The following ADARB2 variants were observed in gnomAD, a reference collection of about 807,000 sequenced individuals.
The protein encoded by ADARB2 is inactive double-stranded RNA-specific editase B2.
Under a neutral mutation model 62.2 loss-of-function variants are expected in ADARB2, and 25 were observed. That is an observed-to-expected ratio of 0.40 (90% CI 0.29 to 0.56). The LOEUF is 0.56. Among genes scored for constraint, ADARB2 ranks in the 20% least tolerant of loss-of-function variants. The pLI is 0.43. For missense variants in ADARB2, 1,071 were observed against 1,077.4 expected (o/e 0.99, Z 0.08); for synonymous variants, 572 against 500.8 (o/e 1.14, Z -1.90).
intron 1 of ADARB2, among the ~76,000 whole-genome samples, chr10:1,632,746 C>A (rs1833858894): frequency 6.6e-6 from 1 of 152,242 alleles, no homozygotes; most frequent in African/African-American, 2.4e-5. Flanking sequence ...CACAGCCCAG[C>A]AGTCACGAAG....
At chr10:1,294,957 A>G (rs1416297244) in intron 3 of ADARB2, among the ~76,000 whole-genome samples, 5 of 152,212 alleles carry the variant, frequency 3.3e-5, no homozygotes, top group Admixed American at 3.3e-4. Flanking sequence ...TCTGTTTGTC[A>G]AAGCAGATTT....
In ADARB2 at chr10:1,737,081, T is replaced by C. The variant is rs779764730; in HGVS notation, c.70A>G (p.Arg24Gly). 3 of 1,611,988 alleles carry C rather than the reference T, an allele frequency of 1.9e-6. No homozygotes were observed. Among genetic ancestry groups the C allele is most frequent in the Non-Finnish European group, 2.5e-6 (3 of 1,179,892 alleles). ...CGCTTGGACCTCCGCCTCCTCCTCC[T>C]CTTGGACTTGCATTTGAGTTGACTG... ...LSSQLKCKSK[R>G]RRRRRSKRKD... Residue 24 changes from arginine to glycine, a missense_variant, in exon 1 of 10, where the codon AGG becomes GGG. By Grantham distance (125) the Arg-to-Gly change is moderately radical. Coordinates refer to ENST00000381312, the MANE Select transcript of ADARB2 (RefSeq NM_018702.4).
intron 1 of ADARB2, among the ~76,000 whole-genome samples, chr10:1,679,881 A>G (rs1476271788): frequency 2.0e-5 from 3 of 152,118 alleles, no homozygotes; most frequent in Non-Finnish European, 2.9e-5. Flanking sequence ...CACTCTTAAC[A>G]TTGCTGACAT....
Position 1,630,045 on chromosome 10 carries a change from A to G in ADARB2, c.100+107006T>C, listed in dbSNP as rs929851225. Among the ~76,000 whole-genome samples the G allele has an allele frequency of 2.0e-5, 3 of 152,270 alleles. No homozygotes were observed. The South Asian group carries it at 6.2e-4, about 32-fold the overall frequency. On this transcript the variant is annotated intron_variant, in intron 1 of 9. Coordinates refer to ENST00000381312, the MANE Select transcript of ADARB2 (RefSeq NM_018702.4). ...CCCACTTGGCACTTCATGGCCACCT[A>G]GACAGGAGCCTCTAGCCTTGCTTGC...
At chr10:1,386,823 A>G (rs1303254106) in intron 1 of ADARB2, among the ~76,000 whole-genome samples, 2 of 151,974 alleles carry the variant, frequency 1.3e-5, no homozygotes, top group East Asian at 1.9e-4. Context: ...TTACATTTAT[A>G]GAACACTGTA....
chr10:1,319,429 T>G (rs1831775576), intron 3 of ADARB2, among the ~76,000 whole-genome samples: 1 of 151,130 alleles, frequency 6.6e-6, no homozygotes, highest in Non-Finnish European at 1.5e-5. Context: ...AGCTGACAGA[T>G]AGATCACCTG....
chr10:1,593,005 C>T (rs78108338), intron 1 of ADARB2, among the ~76,000 whole-genome samples: 33 of 57,508 alleles, frequency 5.7e-4, no homozygotes, highest in East Asian at 2.0e-3. Context: ...CCTCTGTCAC[C>T]CAGCTTCCCT....
At chr10:1,314,116 TAGG>T (rs1831716291) in intron 3 of ADARB2, among the ~76,000 whole-genome samples, 1 of 152,148 alleles carries the variant, frequency 6.6e-6, no homozygotes, top group Non-Finnish European at 1.5e-5. Flanking sequence ...CCTACTCACT[TAGG>T]AATCTCACAT....
intron 1 of ADARB2, among the ~76,000 whole-genome samples, chr10:1,492,687 C>G (rs1831637707): frequency 6.6e-6 from 1 of 152,042 alleles, no homozygotes; most frequent in South Asian, 2.1e-4. Context: ...AGGAGGGAGG[C>G]AGGGATGCAA....
chr10:1,620,639 T>G (rs1833694014), intron 1 of ADARB2, among the ~76,000 whole-genome samples: 1 of 152,238 alleles, frequency 6.6e-6, no homozygotes, highest in Admixed American at 6.5e-5. Context: ...TCTAATATTA[T>G]ATTGATAGCA....
chr10:1,528,107 G>C (rs908038019), intron 1 of ADARB2, among the ~76,000 whole-genome samples: 6 of 152,210 alleles, frequency 3.9e-5, no homozygotes, highest in African/African-American at 1.4e-4. Context: ...TGCATGTGCA[G>C]CCTCTCGACA....
chr10:1,529,978 T>C (rs11250589), intron 1 of ADARB2, among the ~76,000 whole-genome samples: 1 of 33,126 alleles, frequency 3.0e-5, no homozygotes, highest in Non-Finnish European at 1.0e-4. Flanking sequence ...CATCCACTGC[T>C]CCTGCCACTG....
intron 1 of ADARB2, among the ~76,000 whole-genome samples, chr10:1,464,455 G>C (rs1242659149): frequency 2.8e-5 from 3 of 106,414 alleles, no homozygotes; most frequent in Non-Finnish European, 4.0e-5. Context: ...CCGGAGAAGA[G>C]GGTGGACACA....
intron 1 of ADARB2, among the ~76,000 whole-genome samples, chr10:1,393,395 C>T (rs190552811): frequency 3.9e-5 from 6 of 152,322 alleles, no homozygotes; most frequent in Admixed American, 2.0e-4. Flanking sequence ...TTTTAAAATG[C>T]ACAATTACAT....
intron 1 of ADARB2, among the ~76,000 whole-genome samples, chr10:1,720,831 C>G (rs571484733): frequency 6.6e-6 from 1 of 152,236 alleles, no homozygotes; most frequent in African/African-American, 2.4e-5. Flanking sequence ...AGAAGAGGAG[C>G]TGGTATAAAA....
intron 1 of ADARB2, among the ~76,000 whole-genome samples, chr10:1,663,489 G>A (rs1344249617): frequency 1.3e-5 from 2 of 151,996 alleles, no homozygotes; most frequent in African/African-American, 2.4e-5. Context: ...TTTACTGTCC[G>A]CGTAGTTTCG....
chr10:1,589,304 C>T (rs975068247), intron 1 of ADARB2, among the ~76,000 whole-genome samples: 1 of 152,202 alleles, frequency 6.6e-6, no homozygotes, highest in African/African-American at 2.4e-5. Flanking sequence ...AGGTGCGGAC[C>T]CTGCCACGGT....
At chr10:1,184,756 C>G in intron 9 of ADARB2, 105 bp downstream of exon 9, 1 of 1,304,008 alleles carries the variant, frequency 7.7e-7, no homozygotes, top group East Asian at 2.5e-5. Flanking sequence ...TGTCGTGCAT[C>G]TCCCTCCCTG....
At chr10:1,489,766 C>T (rs996085022) in intron 1 of ADARB2, among the ~76,000 whole-genome samples, 1 of 152,084 alleles carries the variant, frequency 6.6e-6, no homozygotes, top group Non-Finnish European at 1.5e-5. Flanking sequence ...AGAAGAGACT[C>T]CAACACAATT....
Sources: allele counts gnomAD v4.1 joint callset (sites outside exome capture counted in the v4.1 genomes callset), GRCh38; gene constraint gnomAD v4.1.1; transcripts MANE v1.5; gene names NCBI Gene and HGNC (gene_info 2026-07-23, HGNC 2026-07-21).